Variants in SRPK2 observed in about 807,000 individuals in gnomAD.
The protein encoded by SRPK2 is SFRS protein kinase 2.
In SRPK2, 21 loss-of-function variants were observed where a neutral mutation model predicts 90.8. That is an observed-to-expected ratio of 0.23 (90% CI 0.16 to 0.33). SRPK2 has a LOEUF of 0.33. Ranked by LOEUF, SRPK2 falls within the 10% of genes least tolerant of loss-of-function variation. The pLI is 1.00. For missense variants in SRPK2, 620 were observed against 869.0 expected, an observed-to-expected ratio of 0.71 and a Z score of 3.60; for synonymous variants, 288 against 311.1, an observed-to-expected ratio of 0.93 and a Z score of 0.78.
chr7:105,190,682 C>T (rs1287412588), intron 3 of SRPK2, among the ~76,000 whole-genome samples: 1 of 152,052 alleles, frequency 6.6e-6, no homozygotes, highest in African/African-American at 2.4e-5. Flanking sequence ...CAGGTGTGGC[C>T]CAAGGCACCC....
chr7:105,168,094 C>A lies in SRPK2; in HGVS notation c.340G>T (p.Gly114Trp), dbSNP rs1453354057. Reference sequence around the variant, plus strand: ...ACTTTCATTGCAACAAATCTTTTCCCCCTAAAAGAAAAAACAAAAAAAGAG... The same window carrying A: ...ACTTTCATTGCAACAAATCTTTTCCACCTAAAAGAAAAAACAAAAAAAGAG... The part of the protein sequence containing the change: ...STVWLCWDMQ[G>W]KRFVAMKVVK... Residue 114 changes from glycine (G) to tryptophan (W), a missense_variant and splice_region_variant, in exon 5 of 16, where the codon GGG (glycine) becomes TGG (tryptophan). Physicochemically the swap from Gly to Trp is radical, Grantham distance 184. Coordinates refer to ENST00000393651, the MANE Select transcript of SRPK2 (RefSeq NM_182692.3). 1 of 1,608,046 alleles carries A rather than the reference C, an allele frequency of 6.2e-7. No homozygotes were observed. Among genetic ancestry groups the A allele is most frequent in the African/African-American group, 1.3e-5 (1 of 74,818 alleles).
chr7:105,386,840 A>T (rs1455668082), intron 2 of SRPK2, among the ~76,000 whole-genome samples: 2 of 152,238 alleles, frequency 1.3e-5, no homozygotes, highest in African/African-American at 4.8e-5. Context: ...AGTTCGTTTC[A>T]TCATTAGCTG....
intron 3 of SRPK2, among the ~76,000 whole-genome samples, chr7:105,178,465 A>G (rs971879832): frequency 6.6e-6 from 1 of 152,190 alleles, no homozygotes; most frequent in Non-Finnish European, 1.5e-5. Flanking sequence ...ACTGCTCTAG[A>G]GGAAAAACCA....
chr7:105,369,057 T>G (rs528057086), intron 2 of SRPK2, among the ~76,000 whole-genome samples: 1 of 151,992 alleles, frequency 6.6e-6, no homozygotes, highest in South Asian at 2.1e-4. Flanking sequence ...AGCTCTCACC[T>G]GCCAATTCTC....
chr7:105,348,595 T>A (rs1337098609), intron 2 of SRPK2, among the ~76,000 whole-genome samples: 1 of 151,490 alleles, frequency 6.6e-6, no homozygotes, highest in Non-Finnish European at 1.5e-5. Context: ...GACTAATTTT[T>A]GTATTTTAGT....
chr7:105,254,022 A>C (rs1483661222), intron 2 of SRPK2, among the ~76,000 whole-genome samples: 4 of 152,256 alleles, frequency 2.6e-5, no homozygotes, highest in Non-Finnish European at 4.4e-5. Context: ...ATTCATTAGC[A>C]TAAATAGAAT....
At chr7:105,396,862 GAGGA>G (rs150145655) in intron 1 of SRPK2, among the ~76,000 whole-genome samples, 4,227 of 150,820 alleles carry the variant, frequency 0.028, 205 homozygotes, top group African/African-American at 0.097. Flanking sequence ...GGGAGGAAGG[GAGGA>G]AGGAAGGAAG....
chr7:105,224,112 T>C (rs1232170260), intron 2 of SRPK2, among the ~76,000 whole-genome samples: 1 of 152,210 alleles, frequency 6.6e-6, no homozygotes, highest in African/African-American at 2.4e-5. Context: ...TATGCTGAAT[T>C]TACAGATTTT....
chr7:105,264,742 G>C (rs958953570), intron 2 of SRPK2, among the ~76,000 whole-genome samples: 1 of 152,060 alleles, frequency 6.6e-6, no homozygotes, highest in Admixed American at 6.6e-5. Context: ...GCACTGTTGT[G>C]AGTTGTTAAT....
chr7:105,221,126 C>T (rs1170694135), intron 2 of SRPK2, among the ~76,000 whole-genome samples: 2 of 152,144 alleles, frequency 1.3e-5, no homozygotes, highest in African/African-American at 4.8e-5. Context: ...ACGGATATTC[C>T]TCAACTCACG....
chr7:105,122,042 C>A (rs536034879), intron 15 of SRPK2, among the ~76,000 whole-genome samples: 14 of 152,280 alleles, frequency 9.2e-5, no homozygotes, highest in African/African-American at 3.1e-4. Context: ...CAATACAAAG[C>A]AAGAGACAAT....
At chr7:105,316,775 G>A (rs1159494575) in intron 2 of SRPK2, among the ~76,000 whole-genome samples, 1 of 152,204 alleles carries the variant, frequency 6.6e-6, no homozygotes, top group Non-Finnish European at 1.5e-5. Context: ...CCATGTGGAG[G>A]CAAGCATGGC....
At chr7:105,298,715 T>A (rs1744671140) in intron 2 of SRPK2, 6 of 985,314 alleles carry the variant, frequency 6.1e-6, no homozygotes, top group Non-Finnish European at 7.2e-6. Context: ...TTCATCCCCA[T>A]CCCTCCTCAG....
intron 2 of SRPK2, among the ~76,000 whole-genome samples, chr7:105,309,223 T>A (rs75213151): frequency 0.035 from 5,350 of 151,166 alleles, 331 homozygotes; most frequent in African/African-American, 0.12. Context: ...AAATATTTGC[T>A]GAAGGTTACA....
chr7:105,351,729 G>T (rs181805049), intron 2 of SRPK2, among the ~76,000 whole-genome samples: 1 of 151,252 alleles, frequency 6.6e-6, no homozygotes, highest in East Asian at 1.9e-4. Flanking sequence ...GCTTGAACCC[G>T]GGGGGCGGAG....
chr7:105,135,889 C>T (rs1422486699), intron 11 of SRPK2, among the ~76,000 whole-genome samples: 1 of 151,916 alleles, frequency 6.6e-6, no homozygotes, highest in South Asian at 2.1e-4. Flanking sequence ...CTCAGCCTCC[C>T]GAGTAGCTGG....
chr7:105,204,054 G>A (rs748031041), intron 2 of SRPK2, among the ~76,000 whole-genome samples: 3 of 151,822 alleles, frequency 2.0e-5, no homozygotes, highest in Non-Finnish European at 2.9e-5. Context: ...AACTACCAAT[G>A]TTAGGAAATT....
chr7:105,256,153 T>C (rs117826989), intron 2 of SRPK2, among the ~76,000 whole-genome samples: 2 of 152,210 alleles, frequency 1.3e-5, no homozygotes, highest in Non-Finnish European at 2.9e-5. Context: ...CTACAGCTAA[T>C]GCTTAGTAAT....
chr7:105,174,313 C>G (rs1388646576), intron 3 of SRPK2, among the ~76,000 whole-genome samples: 1 of 152,098 alleles, frequency 6.6e-6, no homozygotes, highest in African/African-American at 2.4e-5. Context: ...GATAAAGGTT[C>G]CCTTTTCCTT....
Sources: gnomAD v4.1 joint callset for allele counts (sites outside exome capture counted in the v4.1 genomes callset) on GRCh38, gnomAD v4.1.1 for gene constraint, MANE v1.5 for transcripts, NCBI Gene and HGNC (gene_info 2026-07-23, HGNC 2026-07-21) for gene names.